The following KAT6A variants were observed in gnomAD, a reference collection of about 807,000 sequenced individuals.
KAT6A encodes histone acetyltransferase KAT6A.
In KAT6A, 9 loss-of-function variants were observed where a neutral mutation model predicts 198.4. The observed-to-expected ratio is 0.05, with a 90% confidence interval of 0.03 to 0.08. The LOEUF (loss-of-function observed/expected upper bound fraction) is 0.08, where lower values mean the gene tolerates loss of function less well. Among genes scored for constraint, KAT6A ranks in the 10% least tolerant of loss-of-function variants. The pLI is 1.00. For missense variants in KAT6A, 2,077 were observed against 2,509.9 expected (o/e 0.83, Z 3.69); for synonymous variants, 890 against 883.0 (o/e 1.01, Z -0.14).
chr8:41,954,380 C>T (rs950677740), intron 9 of KAT6A, among the ~76,000 whole-genome samples: 2 of 152,138 alleles, frequency 1.3e-5, no homozygotes, highest in African/African-American at 4.8e-5. Flanking sequence ...TGGGTGAAAA[C>T]TTACATGATG....
At chr8:41,996,882 T>C (rs1049744024) in intron 2 of KAT6A, among the ~76,000 whole-genome samples, 14 of 152,322 alleles carry the variant, frequency 9.2e-5, no homozygotes, top group Admixed American at 5.9e-4. Context: ...ACTATAATTA[T>C]TGCAACTCGT....
At chr8:42,016,092 G>A (rs546226764) in intron 2 of KAT6A, among the ~76,000 whole-genome samples, 3 of 152,298 alleles carry the variant, frequency 2.0e-5, no homozygotes, top group East Asian at 3.9e-4. Flanking sequence ...TCTTAAGGGA[G>A]GCAAGAGATG....
intron 2 of KAT6A, among the ~76,000 whole-genome samples, chr8:42,002,527 C>T (rs1245014951): frequency 6.6e-6 from 1 of 152,124 alleles, no homozygotes; most frequent in African/African-American, 2.4e-5. Flanking sequence ...CATCACTGCA[C>T]TCCAGCCTGG....
chr8:42,035,811 C>G (rs1179576473), intron 2 of KAT6A, among the ~76,000 whole-genome samples: 1 of 152,156 alleles, frequency 6.6e-6, no homozygotes, highest in African/African-American at 2.4e-5. Context: ...TGGAAACAGA[C>G]AGGGTATACA....
intron 2 of KAT6A, among the ~76,000 whole-genome samples, chr8:42,005,602 C>G (rs1242934687): frequency 6.6e-6 from 1 of 152,208 alleles, no homozygotes; most frequent in East Asian, 1.9e-4. Flanking sequence ...GCACATTTAT[C>G]TATGTAATGT....
At chr8:41,946,562 G>C in intron 12 of KAT6A, 29 bp downstream of exon 12, 1 of 1,158,508 alleles carries the variant, frequency 8.6e-7, no homozygotes, top group Non-Finnish European at 1.3e-6. Flanking sequence ...CACTGGAAAA[G>C]ACCAATGAGA....
intron 3 of KAT6A, among the ~76,000 whole-genome samples, chr8:41,982,551 T>C (rs1196777647): frequency 6.6e-6 from 1 of 152,200 alleles, no homozygotes; most frequent in African/African-American, 2.4e-5. Flanking sequence ...AAGCAACTCC[T>C]AAGTTTTAAG....
At chr8:42,047,819 A>G (rs1802390327) in intron 2 of KAT6A, among the ~76,000 whole-genome samples, 1 of 152,228 alleles carries the variant, frequency 6.6e-6, no homozygotes, top group Non-Finnish European at 1.5e-5. Flanking sequence ...TACATGACAG[A>G]AAGCTATAAT....
At chr8:41,965,009 T>C (rs1823394217) in intron 8 of KAT6A, among the ~76,000 whole-genome samples, 1 of 152,128 alleles carries the variant, frequency 6.6e-6, no homozygotes, top group African/African-American at 2.4e-5. Context: ...GATAGGGTGA[T>C]TATTGGCCCA....
chr8:41,992,221 T>C (rs1427349849), intron 2 of KAT6A, among the ~76,000 whole-genome samples: 1 of 148,924 alleles, frequency 6.7e-6, no homozygotes. Flanking sequence ...AAAAAAAAGG[T>C]ATTTACTAGA....
At chr8:41,996,974 G>A (rs1378907282) in intron 2 of KAT6A, among the ~76,000 whole-genome samples, 5 of 151,980 alleles carry the variant, frequency 3.3e-5, no homozygotes, top group Admixed American at 1.3e-4. Context: ...ACCTAGAATA[G>A]ACAAATTCAT....
chr8:42,045,475 T>C (rs1344504798), intron 2 of KAT6A, among the ~76,000 whole-genome samples: 1 of 151,532 alleles, frequency 6.6e-6, no homozygotes, highest in African/African-American at 2.4e-5. Flanking sequence ...GAAGGAAGAA[T>C]TGCTTGAACC....
chr8:41,974,872 T>C (rs774299258), intron 7 of KAT6A, 50 bp from the exon 8 acceptor site: 10 of 1,159,072 alleles, frequency 8.6e-6, no homozygotes, highest in East Asian at 2.4e-5. Context: ...GATTAATACA[T>C]GAACTAGAAA....
chr8:41,949,303 C>T lies in KAT6A; in HGVS notation c.1659G>A (p.Leu553=). 1.3e-6 allele frequency: 2 copies of T among 1,576,096 alleles called. No homozygotes were observed. The highest frequency in any genetic ancestry group is 1.9e-5 in the Admixed American group (1 of 53,424). Residue 553 remains leucine, a synonymous_variant, in exon 10 of 17, where the codon CTG becomes CTA. Transcript: ENST00000265713. ...AACCACATTTCTTCATGTGCTGCTG[C>T]AGAATAGTTCTACTTTTCATATATT... ...CLKYMKSRTI[L]QQHMKKCGWF... is the part of the protein sequence containing the mutation.
intron 15 of KAT6A, among the ~76,000 whole-genome samples, chr8:41,938,687 C>T (rs948469572): frequency 6.6e-6 from 1 of 152,054 alleles, no homozygotes; most frequent in East Asian, 1.9e-4. Context: ...TGGCTCACAC[C>T]TGTAATCCCA....
At chr8:42,027,071 T>G (rs905494291) in intron 2 of KAT6A, among the ~76,000 whole-genome samples, 8 of 152,234 alleles carry the variant, frequency 5.3e-5, no homozygotes, top group African/African-American at 1.9e-4. Context: ...ATTTATTGAT[T>G]TGCATAGGTT....
chr8:41,973,561 A>T, intron 8 of KAT6A, among the ~76,000 whole-genome samples: 1 of 152,140 alleles, frequency 6.6e-6, no homozygotes, highest in East Asian at 1.9e-4. Flanking sequence ...CTTGGCTTAC[A>T]TGGTACATTT....
chr8:41,932,697 G>C lies in KAT6A; in HGVS notation c.5523C>G (p.His1841Gln). 1 of 1,614,258 alleles carries C rather than the reference G, an allele frequency of 6.2e-7. No individual in the cohort carries two copies. Among genetic ancestry groups the C allele is most frequent in the Non-Finnish European group, 8.5e-7 (1 of 1,180,052 alleles). The part of the protein sequence containing the change: ...NMSATNIGIP[H>Q]TQRLQGQMPV... ...GCATTTGCCCTTGCAATCTCTGCGT[G>C]TGAGGAATGCCAATGTTGGTGGCAG... Residue 1841 changes from histidine (H) to glutamine (Q), a missense_variant, in exon 17 of 17, where the codon CAC becomes CAG. Transcript: ENST00000265713.
intron 2 of KAT6A, among the ~76,000 whole-genome samples, chr8:42,022,555 T>G (rs1400979068): frequency 6.6e-6 from 1 of 152,150 alleles, no homozygotes; most frequent in East Asian, 1.9e-4. Context: ...ATTTTTCACT[T>G]GTCAGACTGC....
Sources: gnomAD v4.1 joint callset for allele counts (sites outside exome capture counted in the v4.1 genomes callset) on GRCh38, gnomAD v4.1.1 for gene constraint, MANE v1.5 for transcripts, NCBI Gene and HGNC (gene_info 2026-07-23, HGNC 2026-07-21) for gene names.